The following NAF1 variants were observed in gnomAD, a reference collection of about 807,000 sequenced individuals.
NAF1 encodes H/ACA ribonucleoprotein complex non-core subunit NAF1.
Under a neutral mutation model 40.6 loss-of-function variants are expected in NAF1, and 11 were observed. That is an observed-to-expected ratio of 0.27 (90% CI 0.17 to 0.45). The LOEUF is 0.45. Among genes scored for constraint, NAF1 ranks in the 20% least tolerant of loss-of-function variants. The probability of loss-of-function intolerance (pLI) is 1.00; values close to 1 mark genes in which losing one functional copy is unlikely to be tolerated. For synonymous variants in NAF1, 260 were observed against 228.5 expected (o/e 1.14, Z -1.24); for missense variants, 607 against 611.1 (o/e 0.99, Z 0.07).
chr4:163,131,172 AATAATGACTTTTTAG>A (rs1470826674), intron 7 of NAF1, among the ~76,000 whole-genome samples: 1 of 152,212 alleles, frequency 6.6e-6, no homozygotes, highest in African/African-American at 2.4e-5. Context: ...GCGCTCGGCC[AATAATGACTTTTTAG>A]ATAATGACTT....
intron 7 of NAF1, among the ~76,000 whole-genome samples, chr4:163,132,558 G>T (rs552669149): frequency 1.8e-4 from 27 of 152,334 alleles, no homozygotes; most frequent in African/African-American, 5.8e-4. Context: ...GTTGCCATGA[G>T]TGAAGGAGGG....
intron 4 of NAF1, among the ~76,000 whole-genome samples, chr4:163,142,200 A>ATAT (rs1731288307): frequency 6.6e-6 from 1 of 152,236 alleles, no homozygotes; most frequent in African/African-American, 2.4e-5. Context: ...TACATGACAT[A>ATAT]TATTATTGTA....
the NAF1 span, among the ~76,000 whole-genome samples, chr4:163,104,001 G>A: frequency 6.6e-6 from 1 of 151,818 alleles, no homozygotes; most frequent in Admixed American, 6.6e-5. Flanking sequence ...AGAGAAGGGA[G>A]ATAGGGGTGG....
In NAF1 at chr4:163,166,404, C is replaced by T. The variant is rs578173478; in HGVS notation, c.324G>A (p.Pro108=). ...CCGAGTCCGAGGTCTCCAAGGAGTCCGGCGCCCGCGCAGGCTCTGCGGCTC... is the reference window on the plus strand; with the variant it reads ...CCGAGTCCGAGGTCTCCAAGGAGTCTGGCGCCCGCGCAGGCTCTGCGGCTC... ...SPGAAEPARA[P]DSLETSDSDS... is the part of the protein sequence containing the mutation. The change falls in exon 1 of 8, where the codon CCG becomes CCA. Residue 108 remains proline (P), a synonymous_variant. Coordinates refer to ENST00000274054, the MANE Select transcript of NAF1 (RefSeq NM_138386.3). The T allele has an allele frequency of 1.9e-6, 3 of 1,607,494 alleles. No homozygotes were observed. The highest frequency in any genetic ancestry group is 2.7e-5 in the African/African-American group (2 of 74,862).
downstream of NAF1, chr4:163,127,178 G>GA (rs1302972948): frequency 2.0e-6 from 3 of 1,514,358 alleles, no homozygotes; most frequent in African/African-American, 4.2e-5. Context: ...CACCCAGGCT[G>GA]GAGTGCAATG....
chr4:163,121,512 G>T (rs1238584118), intron 2 of NAF1, among the ~76,000 whole-genome samples: 1 of 152,026 alleles, frequency 6.6e-6, no homozygotes, highest in Non-Finnish European at 1.5e-5. Context: ...GAATAATACT[G>T]TTCTTTATTT....
intron 4 of NAF1, among the ~76,000 whole-genome samples, chr4:163,143,609 G>T (rs1281221474): frequency 6.6e-6 from 1 of 152,070 alleles, no homozygotes; most frequent in Non-Finnish European, 1.5e-5. Flanking sequence ...TATTATCTAG[G>T]AGGGGACTAG....
intron 2 of NAF1, among the ~76,000 whole-genome samples, chr4:163,161,018 CAAAA>C: frequency 3.4e-5 from 2 of 59,692 alleles, no homozygotes; most frequent in South Asian, 5.3e-4. Flanking sequence ...TGTCATTTTC[CAAAA>C]AAAAAAAAAA....
downstream of NAF1, among the ~76,000 whole-genome samples, chr4:163,123,859 A>G (rs1730581065): frequency 1.3e-5 from 2 of 152,218 alleles, 1 homozygote; most frequent in South Asian, 4.1e-4. Flanking sequence ...GAAAGTGAGA[A>G]ACTGTGTGAG....
At chr4:163,148,056 T>C (rs1182161093) in intron 3 of NAF1, among the ~76,000 whole-genome samples, 1 of 152,016 alleles carries the variant, frequency 6.6e-6, no homozygotes, top group Non-Finnish European at 1.5e-5. Context: ...GTCACTAAGT[T>C]TGCAGTAATT....
At chr4:163,134,429 T>G (rs1342250256) in intron 6 of NAF1, among the ~76,000 whole-genome samples, 1 of 152,218 alleles carries the variant, frequency 6.6e-6, no homozygotes, top group South Asian at 2.1e-4. Flanking sequence ...GAACTAATTG[T>G]ATGCCTTCCA....
intron 4 of NAF1, among the ~76,000 whole-genome samples, chr4:163,144,689 T>C (rs1731389719): frequency 6.6e-6 from 1 of 152,240 alleles, no homozygotes; most frequent in Non-Finnish European, 1.5e-5. Flanking sequence ...TAGAAATAGA[T>C]TTAATTTTTG....
chr4:163,159,503 T>C (rs1732132625), intron 2 of NAF1, among the ~76,000 whole-genome samples: 1 of 152,130 alleles, frequency 6.6e-6, no homozygotes, highest in Non-Finnish European at 1.5e-5. Context: ...ATATATTCAA[T>C]TGATAATTAC....
downstream of NAF1, chr4:163,127,193 G>A: frequency 1.4e-6 from 2 of 1,457,168 alleles, no homozygotes; most frequent in Non-Finnish European, 1.8e-6. Context: ...GCAATGGTGT[G>A]ATCTCAGCTC....
At position 163,166,852 on chromosome 4, in the gene NAF1, G is replaced by C; in HGVS notation, c.-125C>G. The C allele has an allele frequency of 7.7e-7, 1 of 1,305,596 alleles. No homozygotes were observed. 80.9% of individuals were successfully genotyped at this position (1,305,596 alleles called of 1,614,324 possible). On this transcript the variant is annotated 5_prime_UTR_variant, in exon 1 of 8. Coordinates refer to ENST00000274054, the MANE Select transcript of NAF1 (RefSeq NM_138386.3). Reference sequence around the variant, plus strand: ...ACACTGCCTGGGCCCAACTTCCCGCGTTTCTCAGGTAACTACACGCGGAGG... The same window carrying C: ...ACACTGCCTGGGCCCAACTTCCCGCCTTTCTCAGGTAACTACACGCGGAGG...
Position 163,164,359 on chromosome 4 carries a change from G to A in NAF1, c.398C>T (p.Ser133Phe), listed in dbSNP as rs1262605903. The A allele has an allele frequency of 6.3e-6, 10 of 1,589,402 alleles. No homozygotes were observed. Among genetic ancestry groups the A allele is most frequent in the Non-Finnish European group, 8.6e-6 (10 of 1,167,930 alleles). The change falls in exon 2 of 8, where the codon TCT becomes TTT. Residue 133 changes from serine to phenylalanine, a missense_variant. Physicochemically the swap from Ser to Phe is radical, Grantham distance 155 (BLOSUM62 -2). Transcript: ENST00000274054. ...ETDSDSSSSS[S>F]SSSSSSSSSS... ...CGACGATGAGGAAGATGAAGAGGAA[G>A]ACGATGAACTTGAACTATCTGAATC...
chr4:163,137,869 G>A (rs1460665474), intron 5 of NAF1, among the ~76,000 whole-genome samples: 1 of 152,058 alleles, frequency 6.6e-6, no homozygotes, highest in African/African-American at 2.4e-5. Context: ...TATAATGACT[G>A]GCATGTGTGA....
intron 4 of NAF1, chr4:163,144,072 C>G (rs1731366881): frequency 2.1e-6 from 2 of 934,186 alleles, no homozygotes; most frequent in South Asian, 4.9e-5. Flanking sequence ...CCAAACAAGA[C>G]AGTAATATAA....
chr4:163,164,751 G>C (rs1732382208), intron 1 of NAF1, among the ~76,000 whole-genome samples: 1 of 152,138 alleles, frequency 6.6e-6, no homozygotes, highest in African/African-American at 2.4e-5. Context: ...GGAATTCTGG[G>C]CATGGCACCT....
Sources: allele counts gnomAD v4.1 joint callset (sites outside exome capture counted in the v4.1 genomes callset), GRCh38; gene constraint gnomAD v4.1.1; transcripts MANE v1.5; gene names NCBI Gene and HGNC (gene_info 2026-07-23, HGNC 2026-07-21).